HAO1: variants seen among roughly 807,000 people sequenced by gnomAD.
HAO1 encodes the protein hydroxyacid oxidase 1, also known as 2-Hydroxyacid oxidase 1.
A neutral mutation model predicts 39.7 loss-of-function variants in HAO1; 34 were observed. That is an observed-to-expected ratio of 0.86 (90% CI 0.65 to 1.14). HAO1 has a LOEUF of 1.14. Ranked by LOEUF, HAO1 falls within the 50% of genes most tolerant of loss-of-function variation. HAO1 has a pLI of 0.00. For missense variants in HAO1, 479 were observed against 464.5 expected (o/e 1.03, Z -0.29); for synonymous variants, 172 against 173.2 (o/e 0.99, Z 0.05).
intron 2 of HAO1, among the ~76,000 whole-genome samples, chr20:7,933,944 AAACCACGGAAGAAAACACAACC>A (rs1334591662): frequency 2.0e-5 from 3 of 152,204 alleles, no homozygotes; most frequent in Non-Finnish European, 2.9e-5. Flanking sequence ...TCATGACCCA[AAACCACGGAAGAAAACACAACC>A]AACCACGTTG....
intron 2 of HAO1, among the ~76,000 whole-genome samples, chr20:7,925,038 A>G (rs1458503128): frequency 6.6e-6 from 1 of 152,150 alleles, no homozygotes; most frequent in Non-Finnish European, 1.5e-5. Flanking sequence ...GTGTCATCCT[A>G]TCTTCACAGG....
intron 4 of HAO1, among the ~76,000 whole-genome samples, chr20:7,904,429 AT>A (rs1306494865): frequency 6.6e-6 from 1 of 152,244 alleles, no homozygotes; most frequent in Non-Finnish European, 1.5e-5. Context: ...TAAAGTCTAA[AT>A]TCTCTAAATG....
intron 3 of HAO1, among the ~76,000 whole-genome samples, chr20:7,913,863 C>T (rs1453966960): frequency 6.6e-6 from 1 of 152,096 alleles, no homozygotes; most frequent in East Asian, 1.9e-4. Flanking sequence ...AATAGGGCAC[C>T]AGGATGATAA....
Position 7,940,448 on chromosome 20 carries a change from T to G in HAO1, c.-26A>C, listed in dbSNP as rs1234035330. The G allele has an allele frequency of 6.4e-7, 1 of 1,574,524 alleles. No homozygotes were observed. The highest frequency in any genetic ancestry group is 8.6e-7 in the Non-Finnish European group (1 of 1,168,516). ...TTTCACAGGTTATTGCTATCCCAGA[T>G]GGAGTTCGTTGTTTTTTTTTTTTTA... On this transcript the variant is annotated 5_prime_UTR_variant, in exon 1 of 8. Transcript: ENST00000378789.
At chr20:7,899,316 G>A (rs2050211057) in intron 4 of HAO1, among the ~76,000 whole-genome samples, 1 of 152,176 alleles carries the variant, frequency 6.6e-6, no homozygotes, top group South Asian at 2.1e-4. Context: ...GAAAGTGCCT[G>A]ATACATGTTG....
intron 2 of HAO1, among the ~76,000 whole-genome samples, chr20:7,915,546 A>G (rs990154693): frequency 2.6e-5 from 4 of 152,220 alleles, no homozygotes; most frequent in African/African-American, 9.6e-5. Flanking sequence ...ACATGAGCCA[A>G]TTCCTAAAAA....
chr20:7,934,637 T>C lies in HAO1; in HGVS notation c.138-2A>G. Reference sequence around the variant, plus strand: ...AGCATCCTTGGATACAGCTTCCATCTAGAATTAAAAAATAAAATAAAATAA... The same window carrying C: ...AGCATCCTTGGATACAGCTTCCATCCAGAATTAAAAAATAAAATAAAATAA... On this transcript the variant is annotated splice_acceptor_variant, in intron 1 of 7. Transcript: ENST00000378789. LOFTEE classifies it high-confidence loss of function. 6.4e-7 allele frequency: 1 copy of C among 1,567,710 alleles called. No individual in the cohort carries two copies. The highest frequency in any genetic ancestry group is 2.3e-5 in the East Asian group (1 of 43,716).
intron 2 of HAO1, among the ~76,000 whole-genome samples, chr20:7,915,729 T>G (rs965082664): frequency 3.3e-5 from 5 of 152,098 alleles, no homozygotes; most frequent in Non-Finnish European, 7.4e-5. Flanking sequence ...TAAAATAATA[T>G]AGACATAGAA....
intron 3 of HAO1, 130 bp from the exon 4 acceptor site, chr20:7,906,459 T>C: frequency 3.2e-6 from 2 of 625,408 alleles, no homozygotes; most frequent in East Asian, 2.7e-5. Context: ...TATAAGTCAA[T>C]TGCACACATA....
At chr20:7,894,120 A>T (rs2050186033) in intron 5 of HAO1, among the ~76,000 whole-genome samples, 1 of 152,134 alleles carries the variant, frequency 6.6e-6, no homozygotes, top group African/African-American at 2.4e-5. Context: ...GAACCACTTG[A>T]TAGCACCCCA....
chr20:7,913,784 C>A (rs1421515428), intron 3 of HAO1, among the ~76,000 whole-genome samples: 1 of 152,130 alleles, frequency 6.6e-6, no homozygotes, highest in Non-Finnish European at 1.5e-5. Context: ...CTTCAATCTT[C>A]TTAGCCTTAG....
intron 2 of HAO1, among the ~76,000 whole-genome samples, chr20:7,915,725 A>T (rs1294430665): frequency 1.3e-5 from 2 of 152,190 alleles, no homozygotes; most frequent in Non-Finnish European, 2.9e-5. Context: ...ATTTTAAAAT[A>T]ATATAGACAT....
chr20:7,890,546 A>C (rs2050169698), intron 5 of HAO1, among the ~76,000 whole-genome samples: 2 of 151,798 alleles, frequency 1.3e-5, no homozygotes, highest in Admixed American at 1.3e-4. Context: ...TTTAATTTTA[A>C]ATTTTTATTT....
chr20:7,895,065 T>G (rs986074099), intron 5 of HAO1, 68 bp downstream of exon 5: 4 of 954,490 alleles, frequency 4.2e-6, no homozygotes, highest in Non-Finnish European at 6.9e-6. Flanking sequence ...GAGGAAGACA[T>G]AGAGATAGTA....
intron 2 of HAO1, among the ~76,000 whole-genome samples, chr20:7,933,787 A>G (rs945216491): frequency 5.9e-5 from 9 of 152,198 alleles, no homozygotes; most frequent in African/African-American, 2.2e-4. Context: ...ACAGCCTTTC[A>G]AATGTTCACA....
At chr20:7,900,810 G>T (rs901793990) in intron 4 of HAO1, among the ~76,000 whole-genome samples, 5 of 152,186 alleles carry the variant, frequency 3.3e-5, no homozygotes, top group Non-Finnish European at 7.3e-5. Context: ...ATTAAGCTTA[G>T]TGAGGAAGGC....
chr20:7,937,001 AAAAGAATTGGTTC>A (rs1199614363), intron 1 of HAO1, among the ~76,000 whole-genome samples: 1 of 152,142 alleles, frequency 6.6e-6, no homozygotes, highest in Non-Finnish European at 1.5e-5. Context: ...CCACTTTGGA[AAAAGAATTGGTTC>A]AACTGGCAAA....
Position 7,886,214 on chromosome 20 carries a change from C to A in HAO1, c.814-350G>T, listed in dbSNP as rs751160106. Among the ~76,000 whole-genome samples, 3 of 151,880 alleles carry A rather than the reference C, an allele frequency of 2.0e-5. No homozygotes were observed. In the South Asian group the frequency reaches 6.2e-4, roughly 32 times the overall value. Reference sequence around the variant, plus strand: ...TTTGAGAGAGGGTCTTGCTCTGTCCCCCAGGCTGGAGTGCAGTTTTGTGAT... The same window carrying A: ...TTTGAGAGAGGGTCTTGCTCTGTCCACCAGGCTGGAGTGCAGTTTTGTGAT... On this transcript the variant is annotated intron_variant, in intron 5 of 7. Coordinates refer to ENST00000378789, the MANE Select transcript of HAO1 (RefSeq NM_017545.3).
intron 2 of HAO1, among the ~76,000 whole-genome samples, chr20:7,928,378 T>C (rs968869698): frequency 1.3e-5 from 2 of 152,176 alleles, no homozygotes; most frequent in African/African-American, 4.8e-5. Context: ...TTTGATAAAA[T>C]TTTAAATGGG....
Sources: gnomAD v4.1 joint callset for allele counts (sites outside exome capture counted in the v4.1 genomes callset) on GRCh38, gnomAD v4.1.1 for gene constraint, MANE v1.5 for transcripts, NCBI Gene and HGNC (gene_info 2026-07-23, HGNC 2026-07-21) for gene names.